CSMD1: variants seen among roughly 807,000 people sequenced by gnomAD.
CSMD1 encodes CUB and Sushi multiple domains 1, also known as CUB and sushi domain-containing protein 1.
CSMD1 carries 213 observed loss-of-function variants against 417.5 expected under a neutral mutation model. The ratio of observed to expected loss-of-function variants is 0.51; its 90% CI spans 0.46 to 0.57. CSMD1 has a LOEUF of 0.57. Among genes scored for constraint, CSMD1 ranks in the 20% least tolerant of loss-of-function variants. CSMD1 has a pLI of 0.00. For missense variants in CSMD1, 6,923 were observed against 4,529.7 expected (o/e 1.53, Z -15.17); for synonymous variants, 2,862 against 1,736.8 (o/e 1.65, Z -16.11).
chr8:3,613,287 A>G, intron 8 of CSMD1: 1 of 423,584 alleles, frequency 2.4e-6, no homozygotes, highest in Non-Finnish European at 4.7e-6. Flanking sequence ...TACTTGTAAG[A>G]AAATTCCAAT....
intron 12 of CSMD1, among the ~76,000 whole-genome samples, chr8:3,415,505 G>A (rs1475895126): frequency 6.6e-6 from 1 of 152,142 alleles, no homozygotes; most frequent in Non-Finnish European, 1.5e-5. Flanking sequence ...TTATACGCAT[G>A]CATCATCACG....
chr8:3,083,753 G>A (rs1481139820), intron 49 of CSMD1, among the ~76,000 whole-genome samples: 1 of 142,824 alleles, frequency 7.0e-6, no homozygotes, highest in Non-Finnish European at 1.5e-5. Flanking sequence ...CCTCCTGCCT[G>A]GGCTCAAGTC....
chr8:3,206,196 C>T (rs1272547977), intron 30 of CSMD1, among the ~76,000 whole-genome samples: 1 of 134,638 alleles, frequency 7.4e-6, no homozygotes, highest in African/African-American at 2.9e-5. Context: ...AAAGTTAGGG[C>T]TTACAAAATA....
chr8:4,433,174 C>T (rs749831914), intron 2 of CSMD1, among the ~76,000 whole-genome samples: 10 of 152,054 alleles, frequency 6.6e-5, no homozygotes, highest in African/African-American at 2.2e-4. Context: ...TGCATTATGG[C>T]GAGTTGTATA....
intron 3 of CSMD1, among the ~76,000 whole-genome samples, chr8:4,356,392 G>C (rs1801434552): frequency 6.6e-6 from 1 of 151,974 alleles, no homozygotes; most frequent in South Asian, 2.1e-4. Flanking sequence ...ATTTGGGTTG[G>C]TTCTACGATT....
chr8:4,765,514 G>T (rs1252071596), intron 1 of CSMD1, among the ~76,000 whole-genome samples: 1 of 152,174 alleles, frequency 6.6e-6, no homozygotes, highest in Non-Finnish European at 1.5e-5. Context: ...TTATACTGCT[G>T]GGAAGGAAAT....
intron 1 of CSMD1, among the ~76,000 whole-genome samples, chr8:4,980,535 G>A (rs1443152707): frequency 6.6e-6 from 1 of 152,206 alleles, no homozygotes; most frequent in South Asian, 2.1e-4. Flanking sequence ...CCTTTTGGGT[G>A]AGATATTGAA....
intron 3 of CSMD1, among the ~76,000 whole-genome samples, chr8:4,306,390 A>G (rs1798248301): frequency 1.3e-5 from 1 of 77,188 alleles, no homozygotes; most frequent in Non-Finnish European, 2.5e-5. Flanking sequence ...TGCTGGATTA[A>G]AAAACCTACA....
rs544284145 is a variant in CSMD1, at chr8:3,984,363, G to A, written c.818+13540C>T. The stretch of plus-strand genomic sequence containing the variant: ...AGAAAATGCTGACGACAGATCATGA[G>A]TCTCTGTTTTCCTATTTAGACTTTT... On this transcript the variant is annotated intron_variant, in intron 5 of 69. Coordinates refer to ENST00000635120, the MANE Select transcript of CSMD1 (RefSeq NM_033225.6). 5.9e-5 allele frequency among the ~76,000 whole-genome samples: 9 copies of A among 152,260 alleles called. No individual in the cohort carries two copies. In the South Asian group the frequency reaches 1.9e-3, roughly 32 times the overall value.
chr8:3,743,583 G>A (rs2720841), intron 6 of CSMD1, among the ~76,000 whole-genome samples: 97,580 of 151,966 alleles, frequency 0.64, 31,428 homozygotes, highest in East Asian at 0.73. Context: ...TCATTACGCC[G>A]AAGGGAAAAG....
intron 25 of CSMD1, among the ~76,000 whole-genome samples, chr8:3,293,294 A>G (rs1016072432): frequency 6.6e-6 from 1 of 152,020 alleles, no homozygotes; most frequent in Non-Finnish European, 1.5e-5. Flanking sequence ...GAATCTGACA[A>G]TTATGTGTCT....
chr8:4,811,641 C>T (rs551765245), intron 1 of CSMD1, among the ~76,000 whole-genome samples: 1 of 152,040 alleles, frequency 6.6e-6, no homozygotes, highest in East Asian at 1.9e-4. Flanking sequence ...ATGGGGCTGT[C>T]ATAACTGGAC....
At chr8:4,700,738 T>G (rs1257756905) in intron 1 of CSMD1, among the ~76,000 whole-genome samples, 1 of 152,172 alleles carries the variant, frequency 6.6e-6, no homozygotes, top group Non-Finnish European at 1.5e-5. Context: ...GTCAGCACAT[T>G]TTATTATATG....
chr8:3,727,989 T>C (rs530805145), intron 6 of CSMD1, among the ~76,000 whole-genome samples: 1 of 152,110 alleles, frequency 6.6e-6, no homozygotes, highest in Admixed American at 6.5e-5. Context: ...GTTTTGGAAA[T>C]GCATGGTGGT....
At chr8:4,132,342 C>A (rs574583368) in intron 3 of CSMD1, among the ~76,000 whole-genome samples, 1 of 151,856 alleles carries the variant, frequency 6.6e-6, no homozygotes, top group Non-Finnish European at 1.5e-5. Context: ...TATAAATGTC[C>A]TTTTCTGTAT....
chr8:4,024,641 T>C (rs1796969177), intron 4 of CSMD1, among the ~76,000 whole-genome samples: 2 of 152,198 alleles, frequency 1.3e-5, no homozygotes, highest in Non-Finnish European at 2.9e-5. Context: ...GGATCTTGCA[T>C]TTATGGGCCT....
chr8:3,563,795 G>A (rs11987889), intron 10 of CSMD1, among the ~76,000 whole-genome samples: 54,406 of 151,654 alleles, frequency 0.36, 10,002 homozygotes, highest in African/African-American at 0.44. Flanking sequence ...AGGCTGAAGG[G>A]GGAGAATTTC....
At chr8:3,441,058 C>A (rs918197770) in intron 12 of CSMD1, among the ~76,000 whole-genome samples, 2 of 152,106 alleles carry the variant, frequency 1.3e-5, no homozygotes, top group African/African-American at 4.8e-5. Context: ...TTGTATGAAA[C>A]ACATAGAGGA....
intron 3 of CSMD1, among the ~76,000 whole-genome samples, chr8:4,406,812 C>G (rs954955122): frequency 5.9e-5 from 9 of 152,174 alleles, no homozygotes; most frequent in African/African-American, 2.2e-4. Flanking sequence ...AGGTGACTAA[C>G]AAAGTTGTCT....
Sources: gnomAD v4.1 joint callset for allele counts (sites outside exome capture counted in the v4.1 genomes callset) on GRCh38, gnomAD v4.1.1 for gene constraint, MANE v1.5 for transcripts, NCBI Gene and HGNC (gene_info 2026-07-23, HGNC 2026-07-21) for gene names.